Variants in NLE1 observed in about 807,000 individuals in gnomAD.
NLE1 encodes notchless protein homolog 1.
A neutral mutation model predicts 62.8 loss-of-function variants in NLE1; 37 were observed. The ratio of observed to expected loss-of-function variants is 0.59; its 90% CI spans 0.45 to 0.78. The LOEUF (loss-of-function observed/expected upper bound fraction) is 0.78, where lower values mean the gene tolerates loss of function less well. Ranked by LOEUF, NLE1 falls within the 30% of genes least tolerant of loss-of-function variation. The pLI is 0.00. For synonymous variants in NLE1, 243 were observed against 253.0 expected (o/e 0.96, Z 0.37); for missense variants, 555 against 637.9 (o/e 0.87, Z 1.40).
chr17:35,140,597 TC>T (rs543612838), intron 2 of NLE1, among the ~76,000 whole-genome samples: 1 of 56,112 alleles, frequency 1.8e-5, no homozygotes, highest in Admixed American at 2.1e-4. Flanking sequence ...AATTCTTTTT[TC>T]TTTTTTTTTT....
In NLE1 at chr17:35,142,245, C is replaced by T; in HGVS notation, c.18+13G>A. On this transcript the variant is annotated intron_variant, in intron 1 of 12. Coordinates refer to ENST00000442241, the MANE Select transcript of NLE1 (RefSeq NM_018096.5). The stretch of plus-strand genomic sequence containing the variant: ...CGCGGCGACGCCCCCCGCCCCCATC[C>T]ACGCACACCCACCGGCACTGCTGCC... 1 of 1,550,192 alleles carries T rather than the reference C, an allele frequency of 6.5e-7. No homozygotes were observed. The highest frequency in any genetic ancestry group is 8.7e-7 in the Non-Finnish European group (1 of 1,149,954).
Position 35,130,136 on chromosome 17 carries a change from C to A in NLE1, c.*2301G>T. 6.9e-7 allele frequency: 1 copy of A among 1,447,030 alleles called. No individual in the cohort carries two copies. The highest frequency in any genetic ancestry group is 9.1e-7 in the Non-Finnish European group (1 of 1,104,782). 89.6% of individuals were successfully genotyped at this position (1,447,030 alleles called of 1,614,324 possible). On this transcript the variant is annotated 3_prime_UTR_variant, in exon 13 of 13. Coordinates refer to ENST00000442241, the MANE Select transcript of NLE1 (RefSeq NM_018096.5). The stretch of plus-strand genomic sequence containing the variant: ...CAGGCTTGAGTCATGCATCTTTGCA[C>A]CTGTTTCCTGCGTCAATGGCTAGGT...
chr17:35,137,873 G>C lies in NLE1; in HGVS notation c.478C>G (p.Leu160Val). The change falls in exon 5 of 13, where the codon CTT (leucine) becomes GTT (valine). Residue 160 changes from leucine (L) to valine (V), a missense_variant. Leu to Val is a conservative substitution (Grantham distance 32). Transcript: ENST00000442241. Reference sequence around the variant, plus strand: ...CCATCTGGAGACCAGGATATACTAAGGACCCAGTGTCTGTGTCCTAAGAAA... The same window carrying C: ...CCATCTGGAGACCAGGATATACTAACGACCCAGTGTCTGTGTCCTAAGAAA... The part of the protein sequence containing the change: ...FTCKGHRHWV[L>V]SISWSPDGRK... 6.2e-7 allele frequency: 1 copy of C among 1,613,286 alleles called. No homozygotes were observed. Among genetic ancestry groups the C allele is most frequent in the East Asian group, 2.2e-5 (1 of 44,882 alleles).
At chr17:35,140,947 C>A (rs1294700102) in intron 2 of NLE1, among the ~76,000 whole-genome samples, 1 of 152,200 alleles carries the variant, frequency 6.6e-6, no homozygotes, top group African/African-American at 2.4e-5. Context: ...AATATTCCCA[C>A]TGACAGTTTT....
chr17:35,130,789 T>G lies in NLE1; in HGVS notation c.*1648A>C, dbSNP rs1265010389. On this transcript the variant is annotated 3_prime_UTR_variant, in exon 13 of 13. Transcript: ENST00000442241. Reference sequence around the variant, plus strand: ...TCAGATGGGCTGGCTGGCACCCACCTCCTAGCTTCCACCAGGACAGAGTCT... The same window carrying G: ...TCAGATGGGCTGGCTGGCACCCACCGCCTAGCTTCCACCAGGACAGAGTCT... The G allele has an allele frequency of 1.4e-5, 3 of 217,864 alleles. No individual in the cohort carries two copies. Among genetic ancestry groups the G allele is most frequent in the Admixed American group, 5.2e-5 (1 of 19,260 alleles). The allele number at this position is 217,864 out of a possible 1,614,324, so 13.5% of individuals were successfully genotyped here.
At position 35,140,036 on chromosome 17, in the gene NLE1, G is replaced by C; in HGVS notation, c.193C>G (p.His65Asp). ...EDPLPLAFFV[H>D]DAEIVSSLGK... ...AGTGAGGAGACGATCTCAGCATCGTGGACAAAGAAAGCCAGTGGCAGGGGA... is the reference window on the plus strand; with the variant it reads ...AGTGAGGAGACGATCTCAGCATCGTCGACAAAGAAAGCCAGTGGCAGGGGA... Residue 65 changes from histidine (H) to aspartate (D), a missense_variant, in exon 3 of 13, where the codon CAC (histidine) becomes GAC (aspartate). His to Asp is a moderately conservative substitution (Grantham distance 81, BLOSUM62 -1). Coordinates refer to ENST00000442241, the MANE Select transcript of NLE1 (RefSeq NM_018096.5). 1 of 1,613,770 alleles carries C rather than the reference G, an allele frequency of 6.2e-7. No individual in the cohort carries two copies. Among genetic ancestry groups the C allele is most frequent in the Non-Finnish European group, 8.5e-7 (1 of 1,180,006 alleles).
chr17:35,136,625 C>T, intron 7 of NLE1, 128 bp from the exon 8 acceptor site: 4 of 1,197,920 alleles, frequency 3.3e-6, no homozygotes, highest in South Asian at 1.6e-5. Context: ...ATCAAACTAC[C>T]CCTCTGGGGT....
chr17:35,138,555 T>G (rs754951377), intron 4 of NLE1, among the ~76,000 whole-genome samples: 10 of 152,216 alleles, frequency 6.6e-5, no homozygotes, highest in Admixed American at 1.3e-4. Flanking sequence ...GCAATTCTTC[T>G]GCCTCAGCCT....
chr17:35,129,281 C>T lies in NLE1; in HGVS notation c.*3156G>A. 2.8e-6 allele frequency: 3 copies of T among 1,078,154 alleles called. No individual in the cohort carries two copies. The highest frequency in any genetic ancestry group is 4.1e-6 in the Non-Finnish European group (3 of 740,004). 66.8% of individuals were successfully genotyped at this position (1,078,154 alleles called of 1,614,324 possible). A position where few individuals can be genotyped will look rare whatever the true frequency, so the allele number is the denominator to read the frequency against. Reference sequence around the variant, plus strand: ...GGTTCCACACTCAGTGCTGCAGTACCTTGCACCTTCCATCTGACCTGCCTG... The same window carrying T: ...GGTTCCACACTCAGTGCTGCAGTACTTTGCACCTTCCATCTGACCTGCCTG... On this transcript the variant is annotated 3_prime_UTR_variant, in exon 13 of 13. Coordinates refer to ENST00000442241, the MANE Select transcript of NLE1 (RefSeq NM_018096.5).
intron 12 of NLE1, 124 bp from the exon 13 acceptor site, chr17:35,132,573 G>T: frequency 1.2e-6 from 1 of 848,922 alleles, no homozygotes; most frequent in Non-Finnish European, 1.6e-6. Context: ...AGAGCCAGGT[G>T]ACCGTCCCTG....
chr17:35,129,690 T>C lies in NLE1; in HGVS notation c.*2747A>G. ...CCTGGGAAAAGAGGGGCCTTGGGGG[T>C]GGAGAGAAGTCCAAAGCCAGGGAAC... On this transcript the variant is annotated 3_prime_UTR_variant, in exon 13 of 13. Transcript: ENST00000442241. 6.2e-7 allele frequency: 1 copy of C among 1,602,382 alleles called. No homozygotes were observed. The highest frequency in any genetic ancestry group is 8.5e-7 in the Non-Finnish European group (1 of 1,175,346).
chr17:35,142,018 C>T lies in NLE1; in HGVS notation c.123G>A (p.Pro41=), dbSNP rs545024082. The T allele has an allele frequency of 9.3e-6, 15 of 1,606,348 alleles. 1 individual carries two copies. The South Asian group carries it at 1.4e-4, about 16-fold the overall frequency. The part of the protein sequence containing the change: ...SPFDVPVDIT[P]DRLQLVCNAL... ...CGTTGCACACGAGCTGCAGCCTGTC[C>T]GGGGTGATGTCCACGGGCACGTCGA... The change falls in exon 2 of 13, where the codon CCG becomes CCA. Residue 41 remains proline (P), a synonymous_variant. Coordinates refer to ENST00000442241, the MANE Select transcript of NLE1 (RefSeq NM_018096.5).
At chr17:35,137,986 T>C (rs772174813) in intron 4 of NLE1, 96 bp from the exon 5 acceptor site, 12 of 814,872 alleles carry the variant, frequency 1.5e-5, no homozygotes, top group African/African-American at 3.4e-5. Context: ...CCTTAACCAT[T>C]TGAATAAATG....
chr17:35,132,513 A>C (rs1231877117), intron 12 of NLE1, 64 bp from the exon 13 acceptor site: 1 of 1,279,808 alleles, frequency 7.8e-7, no homozygotes, highest in Non-Finnish European at 1.0e-6. Flanking sequence ...CCGTCATATA[A>C]TCCCAGTGTC....
intron 4 of NLE1, 123 bp from the exon 5 acceptor site, chr17:35,138,013 G>C (rs1219453679): frequency 1.5e-6 from 1 of 678,326 alleles, no homozygotes; most frequent in Non-Finnish European, 2.5e-6. Context: ...TGAACAAAAG[G>C]AGCGATGAGG....
rs2091946461 is a variant in NLE1 at position 35,141,913 on chromosome 17, AAT to A, written c.162+64_162+65del. On this transcript the variant is annotated intron_variant, in intron 2 of 12. Coordinates refer to ENST00000442241, the MANE Select transcript of NLE1 (RefSeq NM_018096.5). Reference sequence around the variant, plus strand: ...GGACCATGAACCGCAGACCCTCGGTAATATGATTCCCCCACCGCATCCGCCCG... The same window carrying A: ...GGACCATGAACCGCAGACCCTCGGTAATGATTCCCCCACCGCATCCGCCCG... 19 of 1,492,724 alleles carry A rather than the reference AAT, an allele frequency of 1.3e-5. No homozygotes were observed. The South Asian group carries it at 2.2e-4, about 17-fold the overall frequency. The allele number at this position is 1,492,724 out of a possible 1,614,324, so 92.5% of individuals were successfully genotyped here. A position where few individuals can be genotyped will look rare whatever the true frequency, so the allele number is the denominator to read the frequency against.
chr17:35,136,918 G>A (rs1481842391), intron 7 of NLE1, 83 bp downstream of exon 7: 11 of 1,287,406 alleles, frequency 8.5e-6, no homozygotes, highest in South Asian at 1.4e-5. Context: ...CACTGGACTC[G>A]CTGATGTCAA....
In NLE1 at chr17:35,140,297, C is replaced by G. The variant is rs911485465; in HGVS notation, c.163-231G>C. 6.6e-5 allele frequency among the ~76,000 whole-genome samples: 10 copies of G among 152,346 alleles called. No individual in the cohort carries two copies. The Middle Eastern group carries it at 0.01, about 155-fold the overall frequency. On this transcript the variant is annotated intron_variant, in intron 2 of 12. Coordinates refer to ENST00000442241, the MANE Select transcript of NLE1 (RefSeq NM_018096.5). ...AGGCTGGAGTGCAGTGGAGCAATCT[C>G]TGCTCACTGCAACCTCCGCGTCCTG...
In NLE1 at chr17:35,130,011, C is replaced by T. The variant is rs966781999; in HGVS notation, c.*2426G>A. ...GGGAAGACAAGAGGCTAAAGGGGGA[C>T]GAAGAAGGGAACAGCCTGGGTATGG... On this transcript the variant is annotated 3_prime_UTR_variant, in exon 13 of 13. Coordinates refer to ENST00000442241, the MANE Select transcript of NLE1 (RefSeq NM_018096.5). 5.1e-6 allele frequency: 7 copies of T among 1,369,780 alleles called. No homozygotes were observed. The highest frequency in any genetic ancestry group is 3.2e-5 in the Admixed American group (1 of 31,558). The allele number at this position is 1,369,780 out of a possible 1,614,324, so 84.9% of individuals were successfully genotyped here.
Sources: gnomAD v4.1 joint callset for allele counts (sites outside exome capture counted in the v4.1 genomes callset) on GRCh38, gnomAD v4.1.1 for gene constraint, MANE v1.5 for transcripts, NCBI Gene and HGNC (gene_info 2026-07-23, HGNC 2026-07-21) for gene names.